Variants in NRXN1 observed in about 807,000 individuals in gnomAD.
NRXN1 encodes neurexin-1.
Under a neutral mutation model 150.9 loss-of-function variants are expected in NRXN1, and 39 were observed. The ratio of observed to expected loss-of-function variants is 0.26; its 90% confidence interval spans 0.20 to 0.34. The LOEUF is 0.34. NRXN1 is among the 10% of genes least tolerant of loss of function. The pLI, the probability that NRXN1 is intolerant of heterozygous loss-of-function variation, is 1.00. For missense variants in NRXN1, 1,815 were observed against 1,949.9 expected, an observed-to-expected ratio of 0.93 and a Z score of 1.30; for synonymous variants, 924 against 757.0, an observed-to-expected ratio of 1.22 and a Z score of -3.62.
chr2:49,995,993 G>A (rs1267802853), intron 21 of NRXN1, among the ~76,000 whole-genome samples: 1 of 151,634 alleles, frequency 6.6e-6, no homozygotes. Flanking sequence ...AATATTTACT[G>A]AGCATCCACA....
At chr2:50,790,944 A>T (rs922830905) in intron 5 of NRXN1, among the ~76,000 whole-genome samples, 1 of 152,112 alleles carries the variant, frequency 6.6e-6, no homozygotes, top group Non-Finnish European at 1.5e-5. Flanking sequence ...ATTTTGGAGC[A>T]CTTCAGATTT....
At chr2:50,712,072 T>C (rs1362424614) in intron 5 of NRXN1, among the ~76,000 whole-genome samples, 1 of 152,178 alleles carries the variant, frequency 6.6e-6, no homozygotes, top group African/African-American at 2.4e-5. Flanking sequence ...GGAAAGATAA[T>C]TGTATTCTTC....
At chr2:50,464,621 G>A (rs908947632) in intron 17 of NRXN1, among the ~76,000 whole-genome samples, 1 of 151,942 alleles carries the variant, frequency 6.6e-6, no homozygotes, top group East Asian at 1.9e-4. Context: ...AAGTGTTGTA[G>A]CACTGACAAC....
chr2:50,445,250 T>A lies in NRXN1; in HGVS notation c.3364+20192A>T, dbSNP rs564014438. 2.6e-5 allele frequency among the ~76,000 whole-genome samples: 4 copies of A among 152,246 alleles called. No individual in the cohort carries two copies. The South Asian group carries it at 8.3e-4, about 32-fold the overall frequency. ...AAGAGTATCAGGAAGGAAAATAAAT[T>A]CCATATATTTTGCTCAAAATCCTGG... On this transcript the variant is annotated intron_variant, in intron 17 of 22. Transcript: ENST00000401669.
In NRXN1 at chr2:50,538,364, T is replaced by C; in HGVS notation, c.2032A>G (p.Lys678Glu). Residue 678 changes from lysine to glutamate, a missense_variant, in exon 10 of 23, where the codon AAA becomes GAA. Transcript: ENST00000401669. ...TTGCAAGGGTTGCTAAGGCACGGTT[T>C]TGCTGTTTCCTTTGAGCAGGAAGGC... ...VKPSCSKETA[K>E]PCLSNPCKNN... The C allele has an allele frequency of 6.2e-7, 1 of 1,614,032 alleles. No individual in the cohort carries two copies. The highest frequency in any genetic ancestry group is 8.5e-7 in the Non-Finnish European group (1 of 1,179,894).
At position 50,280,395 on chromosome 2, in the gene NRXN1, A is replaced by G. The variant is rs571994022; in HGVS notation, c.3365-43425T>C. ...TTAAATAAATGGGATTTCAAGTTGA[A>G]AATCTCCTGAGATTTTCTGAGGTTA... On this transcript the variant is annotated intron_variant, in intron 17 of 22. Transcript: ENST00000401669. 1.8e-4 allele frequency among the ~76,000 whole-genome samples: 27 copies of G among 152,256 alleles called. No homozygotes were observed. The South Asian group carries it at 5.6e-3, about 32-fold the overall frequency.
chr2:50,606,933 A>G lies in NRXN1; in HGVS notation c.1320+13089T>C, dbSNP rs563052113. ...TATGTGTATTTCAAAGACAAAAAGA[A>G]AGAGTTTATTAAGACTGCAAATGAA... On this transcript the variant is annotated intron_variant, in intron 8 of 22. Transcript: ENST00000401669. Among the ~76,000 whole-genome samples the G allele has an allele frequency of 2.6e-5, 4 of 152,236 alleles. No individual in the cohort carries two copies. In the East Asian group the frequency reaches 7.7e-4, roughly 29 times the overall value.
intron 5 of NRXN1, among the ~76,000 whole-genome samples, chr2:50,666,662 A>T (rs1357834131): frequency 6.6e-6 from 1 of 151,886 alleles, no homozygotes; most frequent in East Asian, 1.9e-4. Context: ...GGATGTTTAT[A>T]TGGCTGCTTC....
intron 5 of NRXN1, among the ~76,000 whole-genome samples, chr2:50,817,895 T>C (rs911857555): frequency 2.0e-5 from 3 of 151,890 alleles, no homozygotes; most frequent in Non-Finnish European, 2.9e-5. Flanking sequence ...GCTAACAACA[T>C]ACTCAAAGGT....
At chr2:50,430,398 T>A (rs969863789) in intron 17 of NRXN1, among the ~76,000 whole-genome samples, 1 of 152,204 alleles carries the variant, frequency 6.6e-6, no homozygotes, top group Non-Finnish European at 1.5e-5. Context: ...TCTGTGATGA[T>A]GGAAATGCTT....
intron 17 of NRXN1, among the ~76,000 whole-genome samples, chr2:50,289,547 G>C (rs2072639174): frequency 6.6e-6 from 1 of 152,102 alleles, no homozygotes; most frequent in Non-Finnish European, 1.5e-5. Context: ...ATTTGCTAAA[G>C]CTCTGTATTA....
intron 17 of NRXN1, among the ~76,000 whole-genome samples, chr2:50,402,606 C>T (rs1303817161): frequency 6.6e-6 from 1 of 152,002 alleles, no homozygotes; most frequent in Non-Finnish European, 1.5e-5. Flanking sequence ...CTTGGTTAGG[C>T]CATATCATGT....
At chr2:50,964,787 G>T (rs1693789807) in intron 2 of NRXN1, among the ~76,000 whole-genome samples, 2 of 151,286 alleles carry the variant, frequency 1.3e-5, no homozygotes, top group Non-Finnish European at 1.5e-5. Flanking sequence ...AAATAACCAG[G>T]TATTAAATAT....
intron 21 of NRXN1, among the ~76,000 whole-genome samples, chr2:49,976,856 T>C (rs188981659): frequency 1.3e-5 from 2 of 152,332 alleles, no homozygotes; most frequent in Admixed American, 1.3e-4. Context: ...GATTTGTATA[T>C]TTACCCAGAC....
At chr2:50,289,239 T>C (rs1221165506) in intron 17 of NRXN1, among the ~76,000 whole-genome samples, 2 of 152,080 alleles carry the variant, frequency 1.3e-5, no homozygotes, top group Non-Finnish European at 2.9e-5. Context: ...AGACAAGAAC[T>C]AGCCATCAAA....
chr2:50,651,153 A>G (rs1685555400), intron 5 of NRXN1, among the ~76,000 whole-genome samples: 1 of 152,028 alleles, frequency 6.6e-6, no homozygotes. Context: ...AAATAAGCAA[A>G]TTCTTAGGCT....
chr2:50,473,249 T>G (rs1219012244), intron 15 of NRXN1, among the ~76,000 whole-genome samples: 3 of 151,970 alleles, frequency 2.0e-5, no homozygotes, highest in Non-Finnish European at 4.4e-5. Flanking sequence ...TAACAAATTT[T>G]CAACTTATTT....
At chr2:50,913,284 T>C (rs1164739563) in intron 5 of NRXN1, among the ~76,000 whole-genome samples, 1 of 151,814 alleles carries the variant, frequency 6.6e-6, no homozygotes, top group Admixed American at 6.6e-5. Flanking sequence ...AGGGTTTCCC[T>C]GTGAAATGGA....
intron 18 of NRXN1, among the ~76,000 whole-genome samples, chr2:50,123,491 T>C (rs1033507001): frequency 1.3e-5 from 2 of 152,122 alleles, no homozygotes; most frequent in African/African-American, 4.8e-5. Context: ...TGGTAAACTT[T>C]TGGATTTTAC....
Sources: allele counts gnomAD v4.1 joint callset (sites outside exome capture counted in the v4.1 genomes callset), GRCh38; gene constraint gnomAD v4.1.1; transcripts MANE v1.5; gene names NCBI Gene and HGNC (gene_info 2026-07-23, HGNC 2026-07-21).